FAM204A: variants seen among roughly 807,000 people sequenced by gnomAD.
FAM204A encodes the protein family with sequence similarity 204 member A, also known as protein FAM204A.
A neutral mutation model predicts 35.4 loss-of-function variants in FAM204A; 16 were observed. The observed-to-expected ratio is 0.45, with a 90% CI of 0.31 to 0.69. FAM204A has a LOEUF of 0.69. FAM204A is among the 30% of genes least tolerant of loss of function. The pLI, the probability that FAM204A is intolerant of heterozygous loss-of-function variation, is 0.07. For synonymous variants in FAM204A, 76 were observed against 86.9 expected (o/e 0.88, Z 0.70); for missense variants, 240 against 265.7 (o/e 0.90, Z 0.67).
chr10:118,330,228 T>A (rs1846268374), intron 6 of FAM204A, among the ~76,000 whole-genome samples: 1 of 152,200 alleles, frequency 6.6e-6, no homozygotes, highest in Non-Finnish European at 1.5e-5. Flanking sequence ...AACATTAATA[T>A]CAAACTACAA....
Position 118,298,588 on chromosome 10 carries a change from C to T in FAM204A, c.*12269G>A, listed in dbSNP as rs1259175169. On this transcript the variant is annotated 3_prime_UTR_variant, in exon 9 of 9. Coordinates refer to ENST00000369183, the MANE Select transcript of FAM204A (RefSeq NM_022063.3). Reference sequence around the variant, plus strand: ...TCCATTTTACCACCTCTGACATCCACTCTTTGCCGATAGAGAAACTTGCTT... The same window carrying T: ...TCCATTTTACCACCTCTGACATCCATTCTTTGCCGATAGAGAAACTTGCTT... 1 of 152,238 alleles carries T rather than the reference C, an allele frequency of 6.6e-6. No homozygotes were observed. The highest frequency in any genetic ancestry group is 6.5e-5 in the Admixed American group (1 of 15,292). 9.4% of individuals were successfully genotyped at this position (152,238 alleles called of 1,614,324 possible). A position where few individuals can be genotyped will look rare whatever the true frequency, so the allele number is the denominator to read the frequency against.
At chr10:118,329,767 A>G (rs1846261604) in intron 6 of FAM204A, among the ~76,000 whole-genome samples, 1 of 152,178 alleles carries the variant, frequency 6.6e-6, no homozygotes, top group African/African-American at 2.4e-5. Flanking sequence ...TCTACATAGA[A>G]GACATTTGTT....
At chr10:118,319,682 G>A (rs925206612) in intron 7 of FAM204A, among the ~76,000 whole-genome samples, 11 of 151,680 alleles carry the variant, frequency 7.3e-5, no homozygotes, top group East Asian at 1.9e-4. Flanking sequence ...AAATTTTATC[G>A]TATCATGACT....
rs951642114 is a variant in FAM204A, at chr10:118,299,899, C to T, written c.*10958G>A. 6.6e-6 allele frequency: 1 copy of T among 152,352 alleles called. No homozygotes were observed. Among genetic ancestry groups the T allele is most frequent in the Non-Finnish European group, 1.5e-5 (1 of 68,028 alleles). 9.4% of individuals were successfully genotyped at this position (152,352 alleles called of 1,614,324 possible). A position where few individuals can be genotyped will look rare whatever the true frequency, so the allele number is the denominator to read the frequency against. On this transcript the variant is annotated 3_prime_UTR_variant, in exon 9 of 9. Transcript: ENST00000369183. ...GCACGTCTTGAAAACCACAATTCTG[C>T]TATCAATAGGAATCTAAAATACTTG...
intron 2 of FAM204A, among the ~76,000 whole-genome samples, chr10:118,341,338 C>A (rs566223984): frequency 6.6e-6 from 1 of 152,106 alleles, no homozygotes; most frequent in African/African-American, 2.4e-5. Context: ...CACTTGTATA[C>A]TAATTATAAG....
At chr10:118,340,501 CAG>C (rs373605029) in intron 2 of FAM204A, among the ~76,000 whole-genome samples, 35 of 152,220 alleles carry the variant, frequency 2.3e-4, no homozygotes, top group African/African-American at 7.2e-4. Context: ...CCTAAATGCC[CAG>C]AGTCACCTCA....
rs551581959 is a variant in FAM204A, at chr10:118,299,042, G to A, written c.*11815C>T. On this transcript the variant is annotated 3_prime_UTR_variant, in exon 9 of 9. Coordinates refer to ENST00000369183, the MANE Select transcript of FAM204A (RefSeq NM_022063.3). ...GGCTGTAATCCTTCTCTGGCCCCCT[G>A]GACAGTGTACGTGTGAGTGACGGTT... The A allele has an allele frequency of 1.6e-4, 25 of 152,260 alleles. No individual in the cohort carries two copies. Among genetic ancestry groups the A allele is most frequent in the African/African-American group, 6.0e-4 (25 of 41,540 alleles). 9.4% of individuals were successfully genotyped at this position (152,260 alleles called of 1,614,324 possible).
Position 118,299,083 on chromosome 10 carries a change from T to A in FAM204A, c.*11774A>T, listed in dbSNP as rs1305760998. On this transcript the variant is annotated 3_prime_UTR_variant, in exon 9 of 9. Coordinates refer to ENST00000369183, the MANE Select transcript of FAM204A (RefSeq NM_022063.3). The stretch of plus-strand genomic sequence containing the variant: ...AGTGACGGTTCCCTCTGGGCCCACA[T>A]CATTTTCTTGTCTTGGGCAGCAGAT... 1 of 152,214 alleles carries A rather than the reference T, an allele frequency of 6.6e-6. No individual in the cohort carries two copies. Among genetic ancestry groups the A allele is most frequent in the Non-Finnish European group, 1.5e-5 (1 of 68,052 alleles). The allele number at this position is 152,214 out of a possible 1,614,324, so 9.4% of individuals were successfully genotyped here.
rs1846365802 is a variant in FAM204A, at chr10:118,335,379, T to C, written c.353+17A>G. 3 of 1,584,270 alleles carry C rather than the reference T, an allele frequency of 1.9e-6. No individual in the cohort carries two copies. The South Asian group carries it at 3.5e-5, about 18-fold the overall frequency. ...TACAATGGCCTAAAATAGATAACTA[T>C]TTTAAATTCTACCTACCTATGTAAT... On this transcript the variant is annotated intron_variant, in intron 5 of 8. Coordinates refer to ENST00000369183, the MANE Select transcript of FAM204A (RefSeq NM_022063.3).
At position 118,298,497 on chromosome 10, in the gene FAM204A, T is replaced by A. The variant is rs538472156; in HGVS notation, c.*12360A>T. The A allele has an allele frequency of 1.3e-5, 2 of 152,370 alleles. No individual in the cohort carries two copies. Among genetic ancestry groups the A allele is most frequent in the South Asian group, 4.1e-4 (2 of 4,832 alleles). The allele number at this position is 152,370 out of a possible 1,614,324, so 9.4% of individuals were successfully genotyped here. A position where few individuals can be genotyped will look rare whatever the true frequency, so the allele number is the denominator to read the frequency against. On this transcript the variant is annotated 3_prime_UTR_variant, in exon 9 of 9. Coordinates refer to ENST00000369183, the MANE Select transcript of FAM204A (RefSeq NM_022063.3). ...TGCATAAACAGGTGTTATTTCCATG[T>A]ACTTTTGCTCAGGTTCTTTGGATAC...
intron 6 of FAM204A, among the ~76,000 whole-genome samples, chr10:118,329,116 T>G (rs1227553860): frequency 6.6e-6 from 1 of 152,178 alleles, no homozygotes; most frequent in Non-Finnish European, 1.5e-5. Context: ...TCCTCCTCAG[T>G]CACCCTTGAT....
chr10:118,326,176 C>G lies in FAM204A; in HGVS notation c.521G>C (p.Ser174Thr). ...CACCTCTCGAGTAGCTAGCTGGTTG[C>G]TGAGTTCCTCAGCCTTCTCAATATT... ...EWNIEKAEEL[S>T]NQLATRELGV... Residue 174 changes from serine (S) to threonine (T), a missense_variant, in exon 7 of 9, where the codon AGC becomes ACC. Physicochemically the swap from Ser to Thr is moderately conservative, Grantham distance 58. Coordinates refer to ENST00000369183, the MANE Select transcript of FAM204A (RefSeq NM_022063.3). 6.2e-7 allele frequency: 1 copy of G among 1,613,884 alleles called. No individual in the cohort carries two copies. Among genetic ancestry groups the G allele is most frequent in the East Asian group, 2.2e-5 (1 of 44,876 alleles).
intron 6 of FAM204A, 133 bp from the exon 7 acceptor site, chr10:118,326,376 A>G: frequency 2.7e-6 from 2 of 737,372 alleles, no homozygotes; most frequent in South Asian, 3.5e-5. Context: ...ACCAGAAGGT[A>G]GCTGCTACCA....
rs571612108 is a variant in FAM204A at position 118,298,610 on chromosome 10, G to T, written c.*12247C>A. On this transcript the variant is annotated 3_prime_UTR_variant, in exon 9 of 9. Transcript: ENST00000369183. ...CCACTCTTTGCCGATAGAGAAACTTGCTTCAGGACAAGATCTAGCTTGGAG... is the reference window on the plus strand; with the variant it reads ...CCACTCTTTGCCGATAGAGAAACTTTCTTCAGGACAAGATCTAGCTTGGAG... 3.9e-5 allele frequency: 6 copies of T among 152,210 alleles called. No homozygotes were observed. Among genetic ancestry groups the T allele is most frequent in the Non-Finnish European group, 8.8e-5 (6 of 68,038 alleles). 9.4% of individuals were successfully genotyped at this position (152,210 alleles called of 1,614,324 possible). A position where few individuals can be genotyped will look rare whatever the true frequency, so the allele number is the denominator to read the frequency against.
Position 118,309,305 on chromosome 10 carries a change from T to C in FAM204A, c.*1552A>G, listed in dbSNP as rs956507518. On this transcript the variant is annotated 3_prime_UTR_variant, in exon 9 of 9. Transcript: ENST00000369183. ...TTTGGATGCTTAAATAGTAGCTAGGTATTCTCTTATTCCAGAACACAGAAA... is the reference window on the plus strand; with the variant it reads ...TTTGGATGCTTAAATAGTAGCTAGGCATTCTCTTATTCCAGAACACAGAAA... The C allele has an allele frequency of 7.2e-5, 11 of 152,176 alleles. No homozygotes were observed. Among genetic ancestry groups the C allele is most frequent in the Admixed American group, 6.5e-4 (10 of 15,278 alleles). 9.4% of individuals were successfully genotyped at this position (152,176 alleles called of 1,614,324 possible).
chr10:118,339,242 C>T (rs1846435637), intron 2 of FAM204A, among the ~76,000 whole-genome samples: 1 of 152,174 alleles, frequency 6.6e-6, no homozygotes, highest in Admixed American at 6.5e-5. Context: ...AATGGAGTTG[C>T]CCGTGTAAGC....
At position 118,340,925 on chromosome 10, in the gene FAM204A, A is replaced by G. The variant is rs112728114; in HGVS notation, c.-9+802T>C. 8.3e-3 allele frequency among the ~76,000 whole-genome samples: 1,269 copies of G among 152,234 alleles called. 18 individuals are homozygous for G. Among genetic ancestry groups the G allele is most frequent in the African/African-American group, 0.029 (1,223 of 41,546 alleles). On this transcript the variant is annotated intron_variant, in intron 2 of 8. Transcript: ENST00000369183. ...ATAGCCCCATGGCTTTAGATTATGA[A>G]TTTTACAGAGCAGAGTTGTAAGCGG... is the stretch of plus-strand genomic sequence containing the variant.
chr10:118,340,806 T>C (rs1302574175), intron 2 of FAM204A, among the ~76,000 whole-genome samples: 1 of 152,156 alleles, frequency 6.6e-6, no homozygotes, highest in African/African-American at 2.4e-5. Context: ...GGAATTACTA[T>C]CTATATCAGC....
intron 6 of FAM204A, among the ~76,000 whole-genome samples, chr10:118,334,173 A>G (rs1052681542): frequency 3.9e-5 from 6 of 152,166 alleles, no homozygotes; most frequent in Non-Finnish European, 7.4e-5. Flanking sequence ...ACTAACCAAC[A>G]ACTCTGCTCC....
Sources: allele counts gnomAD v4.1 joint callset (sites outside exome capture counted in the v4.1 genomes callset), GRCh38; gene constraint gnomAD v4.1.1; transcripts MANE v1.5; gene names NCBI Gene and HGNC (gene_info 2026-07-23, HGNC 2026-07-21).